Variants in ACTN1 observed in about 807,000 individuals in gnomAD.
ACTN1 encodes alpha-actinin-1.
In ACTN1, 30 loss-of-function variants were observed where a neutral mutation model predicts 119.6. That is an observed-to-expected ratio of 0.25 (90% CI 0.19 to 0.34). ACTN1 has a LOEUF of 0.34. ACTN1 is among the 10% of genes least tolerant of loss of function. The probability of loss-of-function intolerance (pLI) is 1.00; values close to 1 mark genes in which losing one functional copy is unlikely to be tolerated. For synonymous variants in ACTN1, 429 were observed against 472.6 expected (o/e 0.91, Z 1.20); for missense variants, 764 against 1,223.4 (o/e 0.62, Z 5.60).
intron 1 of ACTN1, among the ~76,000 whole-genome samples, chr14:68,955,328 A>AAC (rs1273129042): frequency 3.3e-5 from 5 of 152,130 alleles, no homozygotes; most frequent in Admixed American, 2.6e-4. Context: ...CAAAACACAC[A>AAC]ACTGCTGGCA....
intron 1 of ACTN1, among the ~76,000 whole-genome samples, chr14:68,932,539 T>TTTAA (rs71102619): frequency 1.7e-5 from 2 of 117,150 alleles, no homozygotes; most frequent in East Asian, 6.6e-4. Context: ...TTTTTTTTTT[T>TTTAA]AATTTTTCTT....
rs1344633519 is a variant in ACTN1 at position 68,879,006 on chromosome 14, T to C, written c.2344A>G (p.Ile782Val). ...KACLISLGYD[I>V]GNDPQKKTGM... ...GCGAGTACCTGGGGGTCGTTGCCAA[T>C]ATCATAACCCAAGCTGATGAGGCAG... The change falls in exon 19 of 22, where the codon ATT becomes GTT. Residue 782 changes from isoleucine to valine, a missense_variant. Transcript: ENST00000394419. This position sits in a 1 kb window ranked among gnomAD's most constrained non-coding sequence, Gnocchi z 4.9. 1 of 1,612,812 alleles carries C rather than the reference T, an allele frequency of 6.2e-7. No individual in the cohort carries two copies. Among genetic ancestry groups the C allele is most frequent in the Admixed American group, 1.7e-5 (1 of 59,916 alleles).
At chr14:68,941,167 G>A (rs1566660296) in intron 1 of ACTN1, among the ~76,000 whole-genome samples, 1 of 152,200 alleles carries the variant, frequency 6.6e-6, no homozygotes, top group Non-Finnish European at 1.5e-5. Flanking sequence ...CAAAGTCTGG[G>A]CTCACAGTGA....
intron 1 of ACTN1, among the ~76,000 whole-genome samples, chr14:68,928,045 C>T (rs1334721251): frequency 5.3e-5 from 8 of 152,128 alleles, no homozygotes; most frequent in Non-Finnish European, 1.0e-4. Flanking sequence ...CCCAGCAACT[C>T]GAAGGGATGC....
At chr14:68,929,896 T>C (rs767496220) in intron 1 of ACTN1, among the ~76,000 whole-genome samples, 3 of 152,172 alleles carry the variant, frequency 2.0e-5, no homozygotes, top group Non-Finnish European at 2.9e-5. Context: ...TCCAGCCCTG[T>C]AGTTCAGGGT....
intron 2 of ACTN1, among the ~76,000 whole-genome samples, chr14:68,923,493 G>C (rs1018716498): frequency 1.3e-5 from 2 of 152,016 alleles, no homozygotes; most frequent in African/African-American, 2.4e-5. Flanking sequence ...TAGTGGAGGA[G>C]GTAGGAAGCA....
At chr14:68,938,865 G>A (rs1266107625) in intron 1 of ACTN1, among the ~76,000 whole-genome samples, 1 of 152,210 alleles carries the variant, frequency 6.6e-6, no homozygotes. Flanking sequence ...CCCCACTGAT[G>A]AGAGAACTCT....
At chr14:68,920,604 G>A (rs1054146859) in intron 3 of ACTN1, among the ~76,000 whole-genome samples, 10 of 152,246 alleles carry the variant, frequency 6.6e-5, no homozygotes, top group African/African-American at 2.2e-4. Context: ...CCAGGGCCCC[G>A]GGGAGTCTCG....
rs772237107 is a variant in ACTN1 at position 68,879,336 on chromosome 14, G to A, written c.2281-267C>T. ...GTGGGGTGTGATGAGCCACAAGGGT[G>A]AGAAGCTCCCTCAGAAGTGACCCAG... On this transcript the variant is annotated intron_variant, in intron 18 of 21. Coordinates refer to ENST00000394419, the MANE Select transcript of ACTN1 (RefSeq NM_001130004.2). The surrounding 1 kb of genome is among the most constrained non-coding windows in gnomAD (Gnocchi z 4.9). Among the ~76,000 whole-genome samples the A allele has an allele frequency of 3.9e-5, 6 of 152,066 alleles. No individual in the cohort carries two copies. The highest frequency in any genetic ancestry group is 2.9e-5 in the Non-Finnish European group (2 of 67,982).
chr14:68,944,659 G>C (rs1361332635), intron 1 of ACTN1, among the ~76,000 whole-genome samples: 1 of 152,160 alleles, frequency 6.6e-6, no homozygotes, highest in Non-Finnish European at 1.5e-5. Context: ...AACTGATCCT[G>C]GGGGGCTGTA....
intron 1 of ACTN1, among the ~76,000 whole-genome samples, chr14:68,964,965 A>G (rs2036659145): frequency 6.6e-6 from 1 of 152,160 alleles, no homozygotes; most frequent in Admixed American, 6.5e-5. Flanking sequence ...TGCATGTGTG[A>G]AATTCATCTG....
Position 68,909,650 on chromosome 14 carries a change from A to T in ACTN1, c.516-254T>A, listed in dbSNP as rs1486594540. On this transcript the variant is annotated intron_variant, in intron 5 of 21. Coordinates refer to ENST00000394419, the MANE Select transcript of ACTN1 (RefSeq NM_001130004.2). This position sits in a 1 kb window ranked among gnomAD's most constrained non-coding sequence, Gnocchi z 4.1. ...CCAGCCCTACCCCCGACCAAGGCCT[A>T]TGGCCCTAGTCTGCTGTTCCAGAGC... Among the ~76,000 whole-genome samples the T allele has an allele frequency of 6.6e-6, 1 of 152,196 alleles. No homozygotes were observed. The highest frequency in any genetic ancestry group is 2.4e-5 in the African/African-American group (1 of 41,442).
intron 8 of ACTN1, among the ~76,000 whole-genome samples, chr14:68,898,741 T>C (rs61985076): frequency 0.14 from 21,801 of 151,888 alleles, 1,760 homozygotes; most frequent in African/African-American, 0.21. Context: ...CGACCACCAC[T>C]ACCACCAACC....
At chr14:68,875,659 C>T (rs1328376048) in intron 21 of ACTN1, among the ~76,000 whole-genome samples, 3 of 152,356 alleles carry the variant, frequency 2.0e-5, no homozygotes, top group African/African-American at 7.2e-5. Flanking sequence ...CATTTGGGGG[C>T]TCTGACCCAC....
At chr14:68,901,249 G>GTTTTTTTTTTTTT (rs564351239) in intron 8 of ACTN1, among the ~76,000 whole-genome samples, 1 of 103,498 alleles carries the variant, frequency 9.7e-6, no homozygotes, top group Non-Finnish European at 1.9e-5. Context: ...TTTTTGTTTT[G>GTTTTTTTTTTTTT]TTTTTTTTTT....
At chr14:68,884,953 G>C (rs2031867918) in intron 12 of ACTN1, 70 bp from the exon 13 acceptor site, 1 of 1,312,970 alleles carries the variant, frequency 7.6e-7, no homozygotes, top group Non-Finnish European at 1.1e-6. Flanking sequence ...CTCTCTCTGA[G>C]GCTGTCAGTG....
rs775753908 is a variant in ACTN1 at position 68,895,552 on chromosome 14, C to CGCG, written c.763-1808_763-1806dup. Among the ~76,000 whole-genome samples, 5 of 152,230 alleles carry CGCG rather than the reference C, an allele frequency of 3.3e-5. No individual in the cohort carries two copies. The South Asian group carries it at 1.0e-3, about 32-fold the overall frequency. On this transcript the variant is annotated intron_variant, in intron 8 of 21. Transcript: ENST00000394419. ...TGGGGCAGGGGGCTGCAGAGAGACC[C>CGCG]GCGTGTCCTCCTCCAGGCTGATGTT...
intron 8 of ACTN1, among the ~76,000 whole-genome samples, chr14:68,901,289 C>T (rs891933550): frequency 1.4e-5 from 2 of 146,042 alleles, no homozygotes; most frequent in Admixed American, 6.8e-5. Flanking sequence ...ACTCTGTCAC[C>T]CAGGCTGGAG....
At chr14:68,916,020 C>G (rs912745844) in intron 3 of ACTN1, among the ~76,000 whole-genome samples, 5 of 152,000 alleles carry the variant, frequency 3.3e-5, no homozygotes, top group African/African-American at 1.2e-4. Flanking sequence ...CTCAAAAAAA[C>G]AAAACAAAAA....
Sources: allele counts gnomAD v4.1 joint callset (sites outside exome capture counted in the v4.1 genomes callset), GRCh38; gene constraint gnomAD v4.1.1; non-coding constraint Gnocchi (gnomAD v3.1); transcripts MANE v1.5; gene names NCBI Gene and HGNC (gene_info 2026-07-23, HGNC 2026-07-21).